Variants in ITGA5 observed in about 807,000 individuals in gnomAD.
ITGA5 encodes integrin subunit alpha 5.
In ITGA5, 55 loss-of-function variants were observed where a neutral mutation model predicts 146.3. That is an observed-to-expected ratio of 0.38 (90% CI 0.30 to 0.47). The LOEUF (loss-of-function observed/expected upper bound fraction) is 0.47. Ranked by LOEUF, ITGA5 falls within the 20% of genes least tolerant of loss-of-function variation. The pLI, the probability that ITGA5 is intolerant of heterozygous loss-of-function variation, is 0.99. For missense variants in ITGA5, 1,131 were observed against 1,329.0 expected, an observed-to-expected ratio of 0.85 and a Z score of 2.32; for synonymous variants, 500 against 531.8, an observed-to-expected ratio of 0.94 and a Z score of 0.82.
Position 54,401,807 on chromosome 12 carries a change from T to C in ITGA5, c.2275A>G (p.Lys759Glu). 6.2e-7 allele frequency: 1 copy of C among 1,614,154 alleles called. No individual in the cohort carries two copies. The highest frequency in any genetic ancestry group is 1.1e-5 in the South Asian group (1 of 91,080). ...ATCTGGAAGTCAAACTGGATGGTTT[T>C]CTTAGTGTCCCGGAGATGAGGGACT... ...FTVPHLRDTK[K>E]TIQFDFQILS... The change falls in exon 22 of 30, where the codon AAA becomes GAA. Residue 759 changes from lysine to glutamate, a missense_variant. By Grantham distance (56) the Lys-to-Glu change is moderately conservative. Coordinates refer to ENST00000293379, the MANE Select transcript of ITGA5 (RefSeq NM_002205.5). The surrounding 1 kb of genome is among the most constrained non-coding windows in gnomAD (Gnocchi z 5.0).
chr12:54,406,546 T>G (rs1201979205), intron 9 of ITGA5, among the ~76,000 whole-genome samples: 1 of 152,212 alleles, frequency 6.6e-6, no homozygotes, highest in Non-Finnish European at 1.5e-5. Flanking sequence ...AGTGGCCCCC[T>G]GCAGTCACTG....
Position 54,416,968 on chromosome 12 carries a change from T to C in ITGA5, c.218+2013A>G, listed in dbSNP as rs1252892755. On this transcript the variant is annotated intron_variant, in intron 1 of 29. Transcript: ENST00000293379. This position sits in a 1 kb window ranked among gnomAD's most constrained non-coding sequence, Gnocchi z 4.1. ...TAGGTGAGGGGCTGTGTTTGTCTTG[T>C]GTTGTGGGAAAGGGGGTGAAGGCCT... 6.6e-6 allele frequency among the ~76,000 whole-genome samples: 1 copy of C among 152,018 alleles called. No homozygotes were observed. Among genetic ancestry groups the C allele is most frequent in the Non-Finnish European group, 1.5e-5 (1 of 68,010 alleles).
Position 54,409,900 on chromosome 12 carries a change from A to T in ITGA5, c.350-303T>A, listed in dbSNP as rs1955920116. On this transcript the variant is annotated intron_variant, in intron 2 of 29. Transcript: ENST00000293379. This position sits in a 1 kb window ranked among gnomAD's most constrained non-coding sequence, Gnocchi z 4.7. ...GAGATGGAGTCTCACTCTGTCACCC[A>T]GGCTGGAGTGCAGTAGCATGATCTC... Among the ~76,000 whole-genome samples the T allele has an allele frequency of 1.3e-5, 2 of 150,864 alleles. No individual in the cohort carries two copies. The highest frequency in any genetic ancestry group is 2.4e-5 in the African/African-American group (1 of 40,924).
rs773081470 is a variant in ITGA5, at chr12:54,402,163, C to A, written c.2133+17G>T. On this transcript the variant is annotated intron_variant, in intron 20 of 29. Coordinates refer to ENST00000293379, the MANE Select transcript of ITGA5 (RefSeq NM_002205.5). ...GAGGGGTATCCTCCCAAATCCCACT[C>A]GAGAGTCTCATCTCACCCCTGGGTG... 1.2e-6 allele frequency: 2 copies of A among 1,613,152 alleles called. No individual in the cohort carries two copies. The highest frequency in any genetic ancestry group is 1.7e-5 in the Admixed American group (1 of 59,990).
chr12:54,418,922 G>T (rs1216805933), intron 1 of ITGA5, 59 bp downstream of exon 1: 22 of 1,540,112 alleles, frequency 1.4e-5, no homozygotes, highest in Non-Finnish European at 2.0e-5. Flanking sequence ...CCCCAGCCGC[G>T]CCCCCAGTCT....
chr12:54,411,971 G>T lies in ITGA5; in HGVS notation c.219-7C>A, dbSNP rs570226621. On this transcript the variant is annotated splice_polypyrimidine_tract_variant and splice_region_variant and intron_variant, in intron 1 of 29. Coordinates refer to ENST00000293379, the MANE Select transcript of ITGA5 (RefSeq NM_002205.5). Reference sequence around the variant, plus strand: ...TCCCACCAGCACACTGACCCTGTGGGGGGGAAAAGCGAGGCAGTTGAGGAT... The same window carrying T: ...TCCCACCAGCACACTGACCCTGTGGTGGGGAAAAGCGAGGCAGTTGAGGAT... 7.0e-6 allele frequency: 11 copies of T among 1,564,714 alleles called. No individual in the cohort carries two copies. In the East Asian group the frequency reaches 2.6e-4, roughly 37 times the overall value.
chr12:54,407,971 T>C, intron 7 of ITGA5, 95 bp from the exon 8 acceptor site: 1 of 1,516,590 alleles, frequency 6.6e-7, no homozygotes, highest in Non-Finnish European at 9.0e-7. Context: ...CTACTGGGCC[T>C]TCATAGTCAG....
intron 2 of ITGA5, among the ~76,000 whole-genome samples, chr12:54,410,830 A>T (rs950139580): frequency 6.6e-6 from 1 of 151,868 alleles, no homozygotes; most frequent in Non-Finnish European, 1.5e-5. Context: ...GAGTTCAAGC[A>T]ATTCTTGTGC....
chr12:54,407,999 T>A, intron 7 of ITGA5, 111 bp downstream of exon 7: 1 of 1,531,386 alleles, frequency 6.5e-7, no homozygotes, highest in South Asian at 1.2e-5. Flanking sequence ...ATGACAAGTA[T>A]GGCAGGGGTG....
In ITGA5 at chr12:54,396,109, G is replaced by T. The variant is rs1176392743; in HGVS notation, c.*184C>A. The T allele has an allele frequency of 2.0e-5, 12 of 589,082 alleles. No individual in the cohort carries two copies. In the East Asian group the frequency reaches 3.1e-4, roughly 15 times the overall value. 36.5% of individuals were successfully genotyped at this position (589,082 alleles called of 1,614,324 possible). On this transcript the variant is annotated 3_prime_UTR_variant, in exon 30 of 30. Transcript: ENST00000293379. ...AAACAAGGGTCCTTCACAGTGCATGGGGGGGAGGGATCCCCAGCTCCTCAC... is the reference window on the plus strand; with the variant it reads ...AAACAAGGGTCCTTCACAGTGCATGTGGGGGAGGGATCCCCAGCTCCTCAC...
chr12:54,415,136 G>A (rs547117933), intron 1 of ITGA5, among the ~76,000 whole-genome samples: 5 of 152,194 alleles, frequency 3.3e-5, no homozygotes, highest in South Asian at 2.1e-4. Context: ...CAACAAGAGC[G>A]AAACTCCGTC....
chr12:54,407,129 T>A (rs1414507519), intron 9 of ITGA5, among the ~76,000 whole-genome samples: 1 of 152,258 alleles, frequency 6.6e-6, no homozygotes, highest in Non-Finnish European at 1.5e-5. Flanking sequence ...GAATGAATAG[T>A]TGCTCCACTT....
chr12:54,407,909 C>T (rs1305848573), intron 7 of ITGA5, 33 bp from the exon 8 acceptor site: 1 of 1,559,066 alleles, frequency 6.4e-7, no homozygotes, highest in Admixed American at 1.8e-5. Context: ...GTTAGGATTC[C>T]TGCTTTGAGG....
chr12:54,405,190 C>A lies in ITGA5; in HGVS notation c.1201G>T (p.Asp401Tyr). The change falls in exon 12 of 30, where the codon GAC becomes TAC. Residue 401 changes from aspartate (D) to tyrosine (Y), a missense_variant. By Grantham distance (160) the Asp-to-Tyr change is radical (BLOSUM62 -3). This residue lies in a region of ITGA5 where 889 missense variants were observed against 1,021.5 expected (regional missense o/e 0.87). Coordinates refer to ENST00000293379, the MANE Select transcript of ITGA5 (RefSeq NM_002205.5). ...CCATTGTAGCCATCCTGGTCCAGGT[C>A]CCCCAGGGGGGTCAAGGAGCTGCCA... is the stretch of plus-strand genomic sequence containing the variant. ...RFGSSLTPLG[D>Y]LDQDGYNDVA... The A allele has an allele frequency of 6.2e-7, 1 of 1,606,882 alleles. No homozygotes were observed. Among genetic ancestry groups the A allele is most frequent in the Non-Finnish European group, 8.5e-7 (1 of 1,175,144 alleles).
rs111249635 is a variant in ITGA5, at chr12:54,416,236, A to G, written c.218+2745T>C. On this transcript the variant is annotated intron_variant, in intron 1 of 29. Transcript: ENST00000293379. This position sits in a 1 kb window ranked among gnomAD's most constrained non-coding sequence, Gnocchi z 4.1. ...AGGTGCGTGCCAGCACGCTCGGCTA[A>G]TTTTTTTATTTTTAGTAGAGATGGG... 1.3e-5 allele frequency among the ~76,000 whole-genome samples: 2 copies of G among 151,998 alleles called. No individual in the cohort carries two copies. Among genetic ancestry groups the G allele is most frequent in the Non-Finnish European group, 2.9e-5 (2 of 68,000 alleles).
rs777690854 is a variant in ITGA5 at position 54,409,214 on chromosome 12, GC to G, written c.583+17del. ...ATGAGAAGGCAGACATGGGGCACAG[GC>G]CCCCTCTTGCCCCTACCTGAGCGGC... is the stretch of plus-strand genomic sequence containing the variant. On this transcript the variant is annotated intron_variant, in intron 4 of 29. Transcript: ENST00000293379. This position sits in a 1 kb window ranked among gnomAD's most constrained non-coding sequence, Gnocchi z 4.7. 2 of 1,599,762 alleles carry G rather than the reference GC, an allele frequency of 1.3e-6. No individual in the cohort carries two copies. Among genetic ancestry groups the G allele is most frequent in the African/African-American group, 2.7e-5 (2 of 74,316 alleles).
chr12:54,408,391 AT>A (rs1955895331), intron 6 of ITGA5, among the ~76,000 whole-genome samples, 156 bp from the exon 7 acceptor site: 1 of 151,938 alleles, frequency 6.6e-6, no homozygotes, highest in Non-Finnish European at 1.5e-5. Flanking sequence ...GAAGAGGAGA[AT>A]TGGGAGTAGG....
intron 1 of ITGA5, among the ~76,000 whole-genome samples, chr12:54,418,047 C>T (rs1200205658): frequency 6.6e-6 from 1 of 152,160 alleles, no homozygotes; most frequent in East Asian, 1.9e-4. Context: ...GTCCTGAGTC[C>T]TTCATTCTGA....
Position 54,396,326 on chromosome 12 carries a change from A to T in ITGA5, c.3117T>A (p.Ala1039=). Residue 1039 remains alanine, a synonymous_variant, in exon 30 of 30, where the codon GCT becomes GCA. Coordinates refer to ENST00000293379, the MANE Select transcript of ITGA5 (RefSeq NM_002205.5). Reference sequence around the variant, plus strand: ...CAGAGGTGGCTGGAGGCTTGAGCTGAGCTTTTTCCATGGCGGTGCCATATG... The same window carrying T: ...CAGAGGTGGCTGGAGGCTTGAGCTGTGCTTTTTCCATGGCGGTGCCATATG... ...SLPYGTAMEK[A]QLKPPATSDA 6.2e-7 allele frequency: 1 copy of T among 1,614,124 alleles called. No individual in the cohort carries two copies. The highest frequency in any genetic ancestry group is 8.5e-7 in the Non-Finnish European group (1 of 1,179,992).
Sources: gnomAD v4.1 joint callset for allele counts (sites outside exome capture counted in the v4.1 genomes callset) on GRCh38, gnomAD v4.1.1 for gene constraint, gnomAD v4.1.1 regional missense constraint, Gnocchi (gnomAD v3.1) non-coding constraint, MANE v1.5 for transcripts, NCBI Gene and HGNC (gene_info 2026-07-23, HGNC 2026-07-21) for gene names.